MAX: variants seen among roughly 807,000 people sequenced by gnomAD.
The protein encoded by MAX is protein max.
A neutral mutation model predicts 22.3 loss-of-function variants in MAX; 3 were observed. The observed-to-expected ratio is 0.13, with a 90% CI of 0.06 to 0.35. The LOEUF (loss-of-function observed/expected upper bound fraction) is 0.35, where lower values mean the gene tolerates loss of function less well. Among genes scored for constraint, MAX ranks in the 10% least tolerant of loss-of-function variants. MAX has a pLI of 1.00. For missense variants in MAX, 119 were observed against 209.4 expected (o/e 0.57, Z 2.66); for synonymous variants, 72 against 77.7 (o/e 0.93, Z 0.39).
chr14:65,097,370 G>C (rs1364646920), intron 2 of MAX, among the ~76,000 whole-genome samples: 1 of 152,196 alleles, frequency 6.6e-6, no homozygotes, highest in Non-Finnish European at 1.5e-5. Context: ...CTTTGTTCAA[G>C]GCATCACATC....
intron 3 of MAX, among the ~76,000 whole-genome samples, chr14:65,021,397 C>T (rs563489292): frequency 6.6e-6 from 1 of 152,156 alleles, no homozygotes; most frequent in African/African-American, 2.4e-5. Flanking sequence ...TTGTTAGTAG[C>T]TTATCCCCGG....
At position 65,078,063 on chromosome 14, in the gene MAX, G is replaced by C. The variant is rs1282094344; in HGVS notation, c.172-27C>G. On this transcript the variant is annotated intron_variant, in intron 3 of 4. Coordinates refer to ENST00000358664, the MANE Select transcript of MAX (RefSeq NM_002382.5). The surrounding 1 kb of genome is among the most constrained non-coding windows in gnomAD (Gnocchi z 6.4). The stretch of plus-strand genomic sequence containing the variant: ...TGTGGCAATATGAGAAAAAGCACAG[G>C]GGACAAAATAAAAACCCAATCCAGG... 6.2e-7 allele frequency: 1 copy of C among 1,614,100 alleles called. No homozygotes were observed. Among genetic ancestry groups the C allele is most frequent in the Non-Finnish European group, 8.5e-7 (1 of 1,180,020 alleles).
chr14:65,084,297 G>C lies in MAX; in HGVS notation c.172-6261C>G, dbSNP rs1272782698. ...TACACAATTTCCAAAAGAGGAAATA[G>C]AGCTAGTAAATAAACATGTGGAAAA... On this transcript the variant is annotated intron_variant, in intron 3 of 4. Transcript: ENST00000358664. This position sits in a 1 kb window ranked among gnomAD's most constrained non-coding sequence, Gnocchi z 4.3. 1.3e-6 allele frequency: 2 copies of C among 1,512,172 alleles called. No homozygotes were observed. Among genetic ancestry groups the C allele is most frequent in the Admixed American group, 1.7e-5 (1 of 59,892 alleles). The allele number at this position is 1,512,172 out of a possible 1,614,324, so 93.7% of individuals were successfully genotyped here. A position where few individuals can be genotyped will look rare whatever the true frequency, so the allele number is the denominator to read the frequency against.
chr14:65,080,565 T>C (rs879322371), intron 3 of MAX, among the ~76,000 whole-genome samples: 5 of 150,158 alleles, frequency 3.3e-5, no homozygotes, highest in Non-Finnish European at 5.9e-5. Context: ...TTGTCATTAA[T>C]GGGTTCTGTA....
chr14:65,061,165 T>C lies in MAX; in HGVS notation c.171+32543A>G, dbSNP rs180835945. On this transcript the variant is annotated intron_variant, in intron 3 of 3. Coordinates refer to the MAX transcript ENST00000341653. Reference sequence around the variant, plus strand: ...CCACCGGGGTGATTAACTGGCACCTTTTCTTCTCTTTGCAGCAGCCCACTC... The same window carrying C: ...CCACCGGGGTGATTAACTGGCACCTCTTCTTCTCTTTGCAGCAGCCCACTC... The C allele has an allele frequency of 6.0e-4, 972 of 1,613,580 alleles. 12 individuals carry two copies. The highest frequency in any genetic ancestry group is 3.4e-5 in the Non-Finnish European group (40 of 1,179,628).
Position 65,084,987 on chromosome 14 carries a change from G to A in MAX, c.172-6951C>T, listed in dbSNP as rs1318404504. 6.6e-6 allele frequency among the ~76,000 whole-genome samples: 1 copy of A among 152,100 alleles called. No individual in the cohort carries two copies. Among genetic ancestry groups the A allele is most frequent in the East Asian group, 1.9e-4 (1 of 5,192 alleles). On this transcript the variant is annotated intron_variant, in intron 3 of 4. Transcript: ENST00000358664. The surrounding 1 kb of genome is among the most constrained non-coding windows in gnomAD (Gnocchi z 4.3). ...TTAAATGGGGCAGGGGGGGTACGGA[G>A]AGTCTATTTTTGGATTATACTATCT...
chr14:65,097,214 T>A (rs995639767), intron 2 of MAX, among the ~76,000 whole-genome samples: 30 of 152,248 alleles, frequency 2.0e-4, no homozygotes, highest in Admixed American at 5.2e-4. Flanking sequence ...ATCTTAAGTG[T>A]TGTTAGATGT....
Position 65,011,207 on chromosome 14 carries a change from T to C in MAX, c.172-4923A>G, listed in dbSNP as rs1174820785. Among the ~76,000 whole-genome samples, 2 of 152,182 alleles carry C rather than the reference T, an allele frequency of 1.3e-5. No homozygotes were observed. Among genetic ancestry groups the C allele is most frequent in the Admixed American group, 6.5e-5 (1 of 15,276 alleles). On this transcript the variant is annotated intron_variant, in intron 3 of 3. Coordinates refer to the MAX transcript ENST00000341653. This position sits in a 1 kb window ranked among gnomAD's most constrained non-coding sequence, Gnocchi z 4.0. ...ATTTTGGGAGGCCAAGGCAGGGGAT[T>C]ACCTGAGGTCAGGAGTTCAAGACCA...
At chr14:65,060,920 C>T (rs898131965) in intron 3 of MAX, among the ~76,000 whole-genome samples, 4 of 144,486 alleles carry the variant, frequency 2.8e-5, no homozygotes, top group Admixed American at 2.1e-4. Context: ...ATTGTACATA[C>T]TGTTTTCTCA....
At position 65,047,150 on chromosome 14, in the gene MAX, T is replaced by C. The variant is rs1333423893; in HGVS notation, c.172-40866A>G. 1.3e-5 allele frequency among the ~76,000 whole-genome samples: 2 copies of C among 152,352 alleles called. No individual in the cohort carries two copies. The highest frequency in any genetic ancestry group is 3.4e-3 in the Middle Eastern group (1 of 294). ...TTTCTACTACAACTGCCACTACTAC[T>C]GGTAGCGGAGTCTTCCCAAGCCCTC... is the stretch of plus-strand genomic sequence containing the variant. On this transcript the variant is annotated intron_variant, in intron 3 of 3. Transcript: ENST00000341653. The surrounding 1 kb of genome is among the most constrained non-coding windows in gnomAD (Gnocchi z 5.2).
intron 3 of MAX, among the ~76,000 whole-genome samples, chr14:65,089,129 A>C (rs189483443): frequency 1.3e-5 from 2 of 152,312 alleles, no homozygotes; most frequent in African/African-American, 4.8e-5. Flanking sequence ...CAGCACTCAC[A>C]AGGTCTTACT....
intron 1 of MAX, 67 bp from the exon 2 acceptor site, chr14:65,101,639 T>C (rs1041362517): frequency 1.6e-6 from 2 of 1,257,610 alleles, no homozygotes; most frequent in Non-Finnish European, 2.3e-6. Flanking sequence ...CATTCAATAA[T>C]AAGAAAGAAA....
intron 3 of MAX, among the ~76,000 whole-genome samples, chr14:65,040,604 CTTTTTT>C (rs35890649): frequency 3.4e-5 from 4 of 117,326 alleles, no homozygotes; most frequent in African/African-American, 6.6e-5. Context: ...CCAGGCCCAG[CTTTTTT>C]TTTTTTTTTT....
intron 3 of MAX, among the ~76,000 whole-genome samples, chr14:65,018,893 C>T (rs2061832037): frequency 6.6e-6 from 1 of 151,766 alleles, no homozygotes; most frequent in African/African-American, 2.4e-5. Context: ...GGTGGATCAC[C>T]TGAGGTCGGG....
rs2062049279 is a variant in MAX, at chr14:65,030,030, C to T, written c.172-23746G>A. ...GGGTGGAGGGAAAGGGGGAGAAATA[C>T]ATGAAAAGGTTGTATTACGTTTCCT... On this transcript the variant is annotated intron_variant, in intron 3 of 3. Transcript: ENST00000341653. The surrounding 1 kb of genome is among the most constrained non-coding windows in gnomAD (Gnocchi z 4.5). Among the ~76,000 whole-genome samples, 1 of 152,108 alleles carries T rather than the reference C, an allele frequency of 6.6e-6. No individual in the cohort carries two copies. Among genetic ancestry groups the T allele is most frequent in the South Asian group, 2.1e-4 (1 of 4,820 alleles).
intron 3 of MAX, among the ~76,000 whole-genome samples, chr14:65,038,353 T>C (rs926139274): frequency 6.6e-6 from 1 of 151,144 alleles, no homozygotes; most frequent in African/African-American, 2.4e-5. Context: ...GAGGTTGCAG[T>C]GAGCCGAGAT....
intron 3 of MAX, among the ~76,000 whole-genome samples, chr14:65,017,870 G>A (rs1442462998): frequency 1.3e-5 from 2 of 152,064 alleles, no homozygotes; most frequent in Admixed American, 1.3e-4. Context: ...CAGGAGAATC[G>A]CTTGAACCTA....
intron 3 of MAX, among the ~76,000 whole-genome samples, chr14:65,018,242 G>A (rs535958948): frequency 3.0e-4 from 45 of 152,204 alleles, no homozygotes; most frequent in Admixed American, 1.1e-3. Context: ...TCAGGAGGCC[G>A]AGACAGGAGT....
At chr14:65,051,413 G>A (rs930413111) in intron 3 of MAX, among the ~76,000 whole-genome samples, 3 of 152,126 alleles carry the variant, frequency 2.0e-5, no homozygotes, top group Admixed American at 1.3e-4. Context: ...GAGTTAGAGA[G>A]CAGCCTGACC....
Sources: gnomAD v4.1 joint callset for allele counts (sites outside exome capture counted in the v4.1 genomes callset) on GRCh38, gnomAD v4.1.1 for gene constraint, Gnocchi (gnomAD v3.1) non-coding constraint, MANE v1.5 for transcripts, NCBI Gene and HGNC (gene_info 2026-07-23, HGNC 2026-07-21) for gene names.